LIMCH1: variants seen among roughly 807,000 people sequenced by gnomAD.
LIMCH1 encodes LIM and calponin homology domains 1, also known as LIM and calponin homology domains-containing protein 1.
In LIMCH1, 113 loss-of-function variants were observed where a neutral mutation model predicts 176.5. The ratio of observed to expected loss-of-function variants is 0.64; its 90% confidence interval spans 0.55 to 0.75. The LOEUF (loss-of-function observed/expected upper bound fraction) is 0.75. Ranked by LOEUF, LIMCH1 falls within the 30% of genes least tolerant of loss-of-function variation. The probability of loss-of-function intolerance (pLI) is 0.00; values close to 1 mark genes in which losing one functional copy is unlikely to be tolerated. For missense variants in LIMCH1, 1,674 were observed against 1,814.9 expected, an observed-to-expected ratio of 0.92 and a Z score of 1.41; for synonymous variants, 619 against 645.9, an observed-to-expected ratio of 0.96 and a Z score of 0.63.
At chr4:41,641,371 T>C (rs773042342) in intron 14 of LIMCH1, among the ~76,000 whole-genome samples, 3 of 152,138 alleles carry the variant, frequency 2.0e-5, no homozygotes, top group African/African-American at 4.8e-5. Context: ...TATTATCAAT[T>C]CTCAACTTCT....
chr4:41,504,915 C>A (rs1005258046), intron 2 of LIMCH1, among the ~76,000 whole-genome samples: 1 of 152,130 alleles, frequency 6.6e-6, no homozygotes, highest in Non-Finnish European at 1.5e-5. Context: ...TAGGGTTCAA[C>A]CTAGTAGATG....
intron 1 of LIMCH1, among the ~76,000 whole-genome samples, chr4:41,442,696 T>C (rs998398375): frequency 6.6e-6 from 1 of 152,216 alleles, no homozygotes; most frequent in Non-Finnish European, 1.5e-5. Context: ...TAAATATAGC[T>C]TCACACAGAT....
intron 1 of LIMCH1, among the ~76,000 whole-genome samples, chr4:41,417,221 G>A: frequency 6.6e-6 from 1 of 152,146 alleles, no homozygotes; most frequent in Non-Finnish European, 1.5e-5. Context: ...CAGAGGTTTT[G>A]TTTCAAGATC....
intron 3 of LIMCH1, among the ~76,000 whole-genome samples, chr4:41,530,311 A>G (rs6447085): frequency 0.49 from 74,025 of 152,068 alleles, 21,804 homozygotes; most frequent in African/African-American, 0.84. Context: ...TGGGGTCCTC[A>G]CTGCTTTGGG....
intron 15 of LIMCH1, 132 bp downstream of exon 15, chr4:41,644,758 G>A: frequency 9.2e-7 from 1 of 1,086,816 alleles, no homozygotes; most frequent in South Asian, 1.7e-5. Flanking sequence ...AGGTGACACG[G>A]TAAATGTGGG....
upstream of LIMCH1, among the ~76,000 whole-genome samples, chr4:41,536,731 A>T (rs564624702): frequency 6.6e-6 from 1 of 152,336 alleles, no homozygotes; most frequent in South Asian, 2.1e-4. Context: ...AAAACTGTCA[A>T]GGCCATCAAA....
At chr4:41,614,428 T>G (rs2091834725) in intron 5 of LIMCH1, among the ~76,000 whole-genome samples, 1 of 152,226 alleles carries the variant, frequency 6.6e-6, no homozygotes, top group Non-Finnish European at 1.5e-5. Flanking sequence ...TTCTACATAT[T>G]CTACATATAT....
intron 1 of LIMCH1, among the ~76,000 whole-genome samples, chr4:41,486,759 T>C (rs1324403917): frequency 6.6e-6 from 1 of 152,070 alleles, no homozygotes; most frequent in African/African-American, 2.4e-5. Context: ...ACTAAGAATC[T>C]ATGTCTCTTT....
At chr4:41,494,444 TAC>T (rs1052141508) in intron 1 of LIMCH1, 4 of 804,194 alleles carry the variant, frequency 5.0e-6, no homozygotes, top group African/African-American at 3.4e-5. Flanking sequence ...TATATATATG[TAC>T]ACACACATAC....
chr4:41,661,784 T>C lies in LIMCH1; in HGVS notation c.3127+274T>C. On this transcript the variant is annotated intron_variant, in intron 19 of 31. Transcript: ENST00000503057. ...ATCCCTATAATCATAAAGAATATTGTGTTCTTCCATATAAATCATGCTAAA... is the reference window on the plus strand; with the variant it reads ...ATCCCTATAATCATAAAGAATATTGCGTTCTTCCATATAAATCATGCTAAA... The C allele has an allele frequency of 7.1e-6, 3 of 423,806 alleles. No homozygotes were observed. The South Asian group carries it at 8.2e-5, about 12-fold the overall frequency. The allele number at this position is 423,806 out of a possible 1,614,324, so 26.3% of individuals were successfully genotyped here.
At chr4:41,369,533 C>T (rs1330804927) in intron 1 of LIMCH1, among the ~76,000 whole-genome samples, 1 of 152,190 alleles carries the variant, frequency 6.6e-6, no homozygotes, top group East Asian at 1.9e-4. Flanking sequence ...CAAATCCTTT[C>T]AAGATAGAGC....
chr4:41,535,187 A>G (rs115415724), upstream of LIMCH1, among the ~76,000 whole-genome samples: 1,931 of 151,248 alleles, frequency 0.013, 21 homozygotes, highest in Non-Finnish European at 0.022. Context: ...AAAAAAAAGA[A>G]AAGAAAAGAA....
intron 21 of LIMCH1, chr4:41,670,577 T>C: frequency 1.8e-6 from 1 of 562,060 alleles, no homozygotes; most frequent in East Asian, 3.0e-5. Context: ...ATTAAGACAT[T>C]TTGTACTGTA....
chr4:41,540,550 C>T (rs1431838681), intron 1 of LIMCH1, among the ~76,000 whole-genome samples: 1 of 152,054 alleles, frequency 6.6e-6, no homozygotes, highest in East Asian at 1.9e-4. Flanking sequence ...ACCAGCCTGG[C>T]CAACGTGGCG....
chr4:41,567,989 C>A (rs1289270861), intron 1 of LIMCH1, among the ~76,000 whole-genome samples: 1 of 152,100 alleles, frequency 6.6e-6, no homozygotes, highest in Non-Finnish European at 1.5e-5. Flanking sequence ...CCCGGCTCTA[C>A]TAAAAATACA....
At chr4:41,622,445 G>T (rs116781320) in intron 7 of LIMCH1, among the ~76,000 whole-genome samples, 4 of 152,072 alleles carry the variant, frequency 2.6e-5, no homozygotes, top group African/African-American at 9.7e-5. Context: ...TTTATATCAC[G>T]TGTAAAGTCT....
chr4:41,366,024 T>G (rs533142218), intron 1 of LIMCH1, among the ~76,000 whole-genome samples: 93 of 152,322 alleles, frequency 6.1e-4, no homozygotes, highest in Non-Finnish European at 9.7e-4. Context: ...CAGTTGGCCT[T>G]GATTCTGTGA....
At chr4:41,363,198 G>A (rs2052415548) in intron 1 of LIMCH1, among the ~76,000 whole-genome samples, 1 of 152,170 alleles carries the variant, frequency 6.6e-6, no homozygotes, top group Non-Finnish European at 1.5e-5. Context: ...GTAACAGATG[G>A]TTTTGCATGC....
At chr4:41,532,161 C>T (rs1011041583) in intron 3 of LIMCH1, among the ~76,000 whole-genome samples, 5 of 152,138 alleles carry the variant, frequency 3.3e-5, no homozygotes, top group Admixed American at 6.5e-5. Context: ...GACTACACAC[C>T]GCAGGGAAAA....
Sources: allele counts gnomAD v4.1 joint callset (sites outside exome capture counted in the v4.1 genomes callset), GRCh38; gene constraint gnomAD v4.1.1; transcripts MANE v1.5; gene names NCBI Gene and HGNC (gene_info 2026-07-23, HGNC 2026-07-21).